The following TNFSF4 variants were observed in gnomAD, a reference collection of about 807,000 sequenced individuals.
TNFSF4 encodes the protein tumor necrosis factor ligand superfamily member 4.
TNFSF4 carries 4 observed loss-of-function variants against 7.3 expected under a neutral mutation model. The ratio of observed to expected loss-of-function variants is 0.55; its 90% confidence interval spans 0.27 to 1.25. The LOEUF is 1.25. TNFSF4 is among the 50% of genes most tolerant of loss of function. The pLI, the probability that TNFSF4 is intolerant of heterozygous loss-of-function variation, is 0.12. For synonymous variants in TNFSF4, 76 were observed against 83.7 expected, an observed-to-expected ratio of 0.91 and a Z score of 0.50; for missense variants, 181 against 208.8, an observed-to-expected ratio of 0.87 and a Z score of 0.82.
the TNFSF4 span, among the ~76,000 whole-genome samples, chr1:173,378,027 C>G: frequency 6.6e-6 from 1 of 152,146 alleles, no homozygotes; most frequent in African/African-American, 2.4e-5. Flanking sequence ...GCCTCTAAAT[C>G]CAATTTTTCT....
intron 1 of TNFSF4, among the ~76,000 whole-genome samples, chr1:173,192,257 A>G (rs181027895): frequency 6.6e-6 from 1 of 152,348 alleles, no homozygotes; most frequent in South Asian, 2.1e-4. Flanking sequence ...AAAGTCACTC[A>G]TTCACAAAGA....
chr1:173,390,167 A>G, the TNFSF4 span, among the ~76,000 whole-genome samples: 1 of 152,188 alleles, frequency 6.6e-6, no homozygotes, highest in Non-Finnish European at 1.5e-5. Flanking sequence ...CTAGTACTAT[A>G]GTTATACTAC....
the TNFSF4 span, among the ~76,000 whole-genome samples, chr1:173,434,738 G>A: frequency 6.6e-6 from 1 of 152,186 alleles, no homozygotes; most frequent in East Asian, 1.9e-4. Context: ...TACCATCTGG[G>A]TAATTGAGAT....
the TNFSF4 span, among the ~76,000 whole-genome samples, chr1:173,230,105 T>C: frequency 2.6e-5 from 4 of 152,118 alleles, no homozygotes; most frequent in Admixed American, 2.6e-4. Flanking sequence ...TACAGAACTC[T>C]CCACCCCAAA....
At chr1:173,395,023 G>A in the TNFSF4 span, among the ~76,000 whole-genome samples, 16 of 128,582 alleles carry the variant, frequency 1.2e-4, no homozygotes, top group Non-Finnish European at 2.7e-4. Flanking sequence ...TAGATAGATA[G>A]ATAGATAGAT....
the TNFSF4 span, among the ~76,000 whole-genome samples, chr1:173,415,013 C>T: frequency 6.6e-6 from 1 of 152,202 alleles, no homozygotes; most frequent in Admixed American, 6.5e-5. Flanking sequence ...TCAAGCTCCT[C>T]TTCCTCCACC....
At chr1:173,420,145 T>C in the TNFSF4 span, among the ~76,000 whole-genome samples, 1 of 152,052 alleles carries the variant, frequency 6.6e-6, no homozygotes, top group African/African-American at 2.4e-5. Context: ...AGATGAAAGC[T>C]AACCAATACC....
the TNFSF4 span, among the ~76,000 whole-genome samples, chr1:173,448,504 C>A: frequency 6.6e-6 from 1 of 152,000 alleles, no homozygotes; most frequent in Non-Finnish European, 1.5e-5. Context: ...GGGCTGAGTC[C>A]GAAAAGAGAG....
At chr1:173,358,320 A>G in the TNFSF4 span, among the ~76,000 whole-genome samples, 2 of 152,184 alleles carry the variant, frequency 1.3e-5, no homozygotes, top group Admixed American at 6.5e-5. Context: ...GACTCGCTCT[A>G]TCACCCCATT....
At chr1:173,191,607 C>G (rs985207356) in intron 1 of TNFSF4, among the ~76,000 whole-genome samples, 1 of 152,158 alleles carries the variant, frequency 6.6e-6, no homozygotes, top group East Asian at 1.9e-4. Flanking sequence ...TCTAATGATC[C>G]AGCCAACTAT....
the TNFSF4 span, among the ~76,000 whole-genome samples, chr1:173,340,427 T>C: frequency 6.7e-6 from 1 of 149,376 alleles, no homozygotes; most frequent in Non-Finnish European, 1.5e-5. Context: ...GAAAGAGAAA[T>C]TGTATAGCAG....
chr1:173,213,698 A>G, the TNFSF4 span, among the ~76,000 whole-genome samples: 1 of 152,222 alleles, frequency 6.6e-6, no homozygotes, highest in African/African-American at 2.4e-5. Flanking sequence ...AATCAAGATA[A>G]ACTTAATTCA....
the TNFSF4 span, among the ~76,000 whole-genome samples, chr1:173,274,046 AC>A: frequency 6.6e-6 from 1 of 150,506 alleles, no homozygotes; most frequent in African/African-American, 2.4e-5. Flanking sequence ...CCCATTCACC[AC>A]CCCATCTAAC....
the TNFSF4 span, among the ~76,000 whole-genome samples, chr1:173,275,656 A>T: frequency 6.6e-6 from 1 of 152,170 alleles, no homozygotes. Flanking sequence ...AGGGAAGTTA[A>T]TGCCGGCTTT....
chr1:173,222,432 T>C, the TNFSF4 span, among the ~76,000 whole-genome samples: 2 of 152,130 alleles, frequency 1.3e-5, no homozygotes, highest in African/African-American at 4.8e-5. Context: ...AATCAGGCAA[T>C]TGAGATCTTG....
downstream of TNFSF4, among the ~76,000 whole-genome samples, chr1:173,181,590 G>A (rs2101975382): frequency 6.6e-6 from 1 of 152,212 alleles, no homozygotes; most frequent in South Asian, 2.1e-4. Flanking sequence ...CAAGGGCTCT[G>A]GCATAATGGT....
the TNFSF4 span, among the ~76,000 whole-genome samples, chr1:173,444,753 A>T: frequency 6.6e-6 from 1 of 152,210 alleles, no homozygotes; most frequent in East Asian, 1.9e-4. Flanking sequence ...GGGTGGGAGA[A>T]GAGAAGAATG....
At chr1:173,255,898 A>G in the TNFSF4 span, among the ~76,000 whole-genome samples, 4 of 152,250 alleles carry the variant, frequency 2.6e-5, no homozygotes, top group African/African-American at 9.6e-5. Flanking sequence ...GTGTCCTAAC[A>G]AGATACCATT....
chr1:173,307,690 A>G, the TNFSF4 span, among the ~76,000 whole-genome samples: 1 of 151,938 alleles, frequency 6.6e-6, no homozygotes, highest in Non-Finnish European at 1.5e-5. Flanking sequence ...ACAAAGGGAC[A>G]TGATATACTA....
Sources: gnomAD v4.1 joint callset for allele counts (sites outside exome capture counted in the v4.1 genomes callset) on GRCh38, gnomAD v4.1.1 for gene constraint, MANE v1.5 for transcripts, NCBI Gene and HGNC (gene_info 2026-07-23, HGNC 2026-07-21) for gene names.